Variants in EPRS1 observed in about 807,000 individuals in gnomAD.
The protein encoded by EPRS1 is glutamyl-prolyl-tRNA synthetase 1.
EPRS1 carries 107 observed loss-of-function variants against 188.3 expected under a neutral mutation model. That is an observed-to-expected ratio of 0.57 (90% CI 0.49 to 0.67). The LOEUF is 0.67. Ranked by LOEUF, EPRS1 falls within the 30% of genes least tolerant of loss-of-function variation. The probability of loss-of-function intolerance (pLI) is 0.00; values close to 1 mark genes in which losing one functional copy is unlikely to be tolerated. For synonymous variants in EPRS1, 596 were observed against 593.1 expected, an observed-to-expected ratio of 1.00 and a Z score of -0.07; for missense variants, 1,577 against 1,802.2, an observed-to-expected ratio of 0.88 and a Z score of 2.26.
At chr1:220,015,936 C>T (rs562014896) in intron 12 of EPRS1, among the ~76,000 whole-genome samples, 1 of 152,030 alleles carries the variant, frequency 6.6e-6, no homozygotes, top group Non-Finnish European at 1.5e-5. Context: ...GCCATGAATC[C>T]AAATCAGGTT....
chr1:220,003,970 T>C (rs946277549), intron 16 of EPRS1, among the ~76,000 whole-genome samples: 5 of 152,202 alleles, frequency 3.3e-5, no homozygotes, highest in African/African-American at 1.2e-4. Context: ...AGAGACGCCG[T>C]AACATGAAAA....
At chr1:220,040,905 A>G (rs1662279443) in intron 1 of EPRS1, among the ~76,000 whole-genome samples, 1 of 150,732 alleles carries the variant, frequency 6.6e-6, no homozygotes, top group African/African-American at 2.4e-5. Context: ...TAATATGTTG[A>G]CCTTGGATTT....
At position 219,968,898 on chromosome 1, in the gene EPRS1, AG is replaced by A; in HGVS notation, c.4446del (p.Phe1483SerfsTer33). 1.9e-6 allele frequency: 3 copies of A among 1,614,140 alleles called. No individual in the cohort carries two copies. The highest frequency in any genetic ancestry group is 2.5e-6 in the Non-Finnish European group (3 of 1,179,974). On this transcript the variant is annotated frameshift_variant, in exon 32 of 32. Transcript: ENST00000366923. LOFTEE classifies it high-confidence loss of function. ...PSMGAKSLCIPFKPLCELQPG... is the reference protein window; with the variant it reads ...PSMGAKSLCIXFKPLCELQPG... ...GGCTGCAGTTCACAGAGTGGTTTGA[AG>A]GGGATGCAAAGGCTTTTAGCTCCCA... is the stretch of plus-strand genomic sequence containing the variant.
chr1:219,988,330 A>G (rs1402708761), intron 19 of EPRS1, among the ~76,000 whole-genome samples: 2 of 152,108 alleles, frequency 1.3e-5, no homozygotes, highest in East Asian at 1.9e-4. Flanking sequence ...GGTTGGAGGG[A>G]AACAAACAAT....
intron 7 of EPRS1, 95 bp from the exon 8 acceptor site, chr1:220,024,551 G>T: frequency 2.6e-6 from 2 of 765,700 alleles, no homozygotes; most frequent in Non-Finnish European, 2.1e-6. Context: ...ATGTAACATA[G>T]ACCATCAGTC....
Position 220,007,296 on chromosome 1 carries a change from C to T in EPRS1, c.1648G>A (p.Val550Ile). Residue 550 changes from valine to isoleucine, a missense_variant, in exon 14 of 32, where the codon GTT becomes ATT. This residue lies in a region of EPRS1 where 1,278 missense variants were observed against 1,457.4 expected (regional missense o/e 0.88). Transcript: ENST00000366923. ...GLKPVWYSPKVFIEGADAETF... is the reference protein window; with the variant it reads ...GLKPVWYSPKIFIEGADAETF... ...TCTGCATCAGCACCTTCAATGAAAA[C>T]TTTGGGACTATACCACACAGGCTTC... 1 of 1,613,986 alleles carries T rather than the reference C, an allele frequency of 6.2e-7. No homozygotes were observed. The highest frequency in any genetic ancestry group is 8.5e-7 in the Non-Finnish European group (1 of 1,179,912).
chr1:220,005,664 GA>G (rs769052861), intron 15 of EPRS1, among the ~76,000 whole-genome samples: 1 of 152,106 alleles, frequency 6.6e-6, no homozygotes, highest in African/African-American at 2.4e-5. Context: ...GCATGTAATA[GA>G]CTTAGGTGAA....
At chr1:219,982,192 C>CTTT (rs1397476582) in intron 23 of EPRS1, among the ~76,000 whole-genome samples, 1 of 152,126 alleles carries the variant, frequency 6.6e-6, no homozygotes, top group Non-Finnish European at 1.5e-5. Context: ...TTGAAAGACA[C>CTTT]TGTAAAGCCC....
chr1:219,988,909 G>T, intron 18 of EPRS1, 86 bp from the exon 19 acceptor site: 1 of 764,666 alleles, frequency 1.3e-6, no homozygotes, highest in Non-Finnish European at 2.1e-6. Flanking sequence ...TTAATTATCA[G>T]CAAATCATTC....
chr1:220,021,322 A>G (rs75532986), intron 9 of EPRS1, among the ~76,000 whole-genome samples: 3,502 of 152,040 alleles, frequency 0.023, 74 homozygotes, highest in East Asian at 0.067. Flanking sequence ...CCAAGCAGCT[A>G]GAACTACTGA....
chr1:220,037,496 C>T (rs1398519719), intron 2 of EPRS1, among the ~76,000 whole-genome samples: 2 of 134,018 alleles, frequency 1.5e-5, no homozygotes, highest in Non-Finnish European at 3.1e-5. Context: ...CACAGCAAGA[C>T]TCCATCTCCA....
Position 219,978,575 on chromosome 1 carries a change from C to A in EPRS1, c.4054G>T (p.Gly1352Cys). ...AGCTCCCAGTGATTGAATTTCCAAC[C>A]TGGAGAATAATTATCTCGTAAATCA... ...RADLRDNYSP[G>C]WKFNHWELKG... Residue 1352 changes from glycine to cysteine, a missense_variant, in exon 28 of 32, where the codon GGT (glycine) becomes TGT (cysteine). Gly to Cys is a radical substitution (Grantham distance 159, BLOSUM62 -3). Transcript: ENST00000366923. 1 of 1,582,850 alleles carries A rather than the reference C, an allele frequency of 6.3e-7. No homozygotes were observed. Among genetic ancestry groups the A allele is most frequent in the Non-Finnish European group, 8.6e-7 (1 of 1,162,002 alleles).
chr1:219,997,032 G>A lies in EPRS1; in HGVS notation c.2492C>T (p.Ala831Val), dbSNP rs765065897. ...CTTACGAACCACCTCCCCTTGTGCAGCAACTTCATCATACAGAGATTTACT... is the reference window on the plus strand; with the variant it reads ...CTTACGAACCACCTCCCCTTGTGCAACAACTTCATCATACAGAGATTTACT... ...LESKSLYDEV[A>V]AQGEVVRKLK... Residue 831 changes from alanine (A) to valine (V), a missense_variant, in exon 18 of 32, where the codon GCT becomes GTT. This residue lies in a region of EPRS1 where 1,278 missense variants were observed against 1,457.4 expected (regional missense o/e 0.88). Transcript: ENST00000366923. The A allele has an allele frequency of 6.2e-7, 1 of 1,612,568 alleles. No individual in the cohort carries two copies. Among genetic ancestry groups the A allele is most frequent in the Non-Finnish European group, 8.5e-7 (1 of 1,179,586 alleles).
chr1:220,038,732 G>T (rs987159326), intron 2 of EPRS1, among the ~76,000 whole-genome samples: 3 of 152,098 alleles, frequency 2.0e-5, no homozygotes, highest in Non-Finnish European at 2.9e-5. Flanking sequence ...TAATTCTTTT[G>T]AGCAAAGTAA....
chr1:219,978,775 A>G, intron 27 of EPRS1, 56 bp from the exon 28 acceptor site: 1 of 1,391,040 alleles, frequency 7.2e-7, no homozygotes, highest in Non-Finnish European at 9.8e-7. Flanking sequence ...AGAAGTAATG[A>G]GCTCTCAGAA....
Position 220,020,038 on chromosome 1 carries a change from T to G in EPRS1, c.1299A>C (p.Leu433=). 2 of 1,614,090 alleles carry G rather than the reference T, an allele frequency of 1.2e-6. No homozygotes were observed. The highest frequency in any genetic ancestry group is 1.7e-6 in the Non-Finnish European group (2 of 1,179,954). Residue 433 remains leucine, a synonymous_variant, in exon 10 of 32, where the codon CTA becomes CTC. Coordinates refer to ENST00000366923, the MANE Select transcript of EPRS1 (RefSeq NM_004446.3). The part of the protein sequence containing the change: ...YSRLNLNNTV[L]SKRKLTWFVN... Reference sequence around the variant, plus strand: ...CAAACCATGTGAGTTTTCTTTTGGATAGCACTGTGTTGTTGAGATTTAGCC... The same window carrying G: ...CAAACCATGTGAGTTTTCTTTTGGAGAGCACTGTGTTGTTGAGATTTAGCC...
At chr1:220,030,107 C>T (rs2577140) in intron 6 of EPRS1, among the ~76,000 whole-genome samples, 122,891 of 152,188 alleles carry the variant, frequency 0.81, 49,748 homozygotes, top group East Asian at 0.93. Context: ...TTTAAGGTTT[C>T]TTATTTTTGG....
At chr1:220,041,992 T>C (rs755472487) in intron 1 of EPRS1, among the ~76,000 whole-genome samples, 1 of 151,920 alleles carries the variant, frequency 6.6e-6, no homozygotes, top group Non-Finnish European at 1.5e-5. Context: ...AGAACATATA[T>C]GTCGAAAGGA....
intron 26 of EPRS1, 67 bp from the exon 27 acceptor site, chr1:219,979,682 A>G: frequency 9.5e-7 from 1 of 1,054,246 alleles, no homozygotes; most frequent in East Asian, 2.4e-5. Context: ...AATGATTACT[A>G]TAAGATCACA....
Sources: gnomAD v4.1 joint callset for allele counts (sites outside exome capture counted in the v4.1 genomes callset) on GRCh38, gnomAD v4.1.1 for gene constraint, gnomAD v4.1.1 regional missense constraint, MANE v1.5 for transcripts, NCBI Gene and HGNC (gene_info 2026-07-23, HGNC 2026-07-21) for gene names.